Variants in SLC4A5 observed in about 807,000 individuals in gnomAD.
The protein encoded by SLC4A5 is electrogenic sodium bicarbonate cotransporter 4.
SLC4A5 carries 96 observed loss-of-function variants against 120.4 expected under a neutral mutation model. The observed-to-expected ratio is 0.80, with a 90% CI of 0.68 to 0.94. SLC4A5 has a LOEUF of 0.94. Among genes scored for constraint, SLC4A5 ranks in the 40% least tolerant of loss-of-function variants. SLC4A5 has a pLI of 0.00. For missense variants in SLC4A5, 1,259 were observed against 1,459.5 expected (o/e 0.86, Z 2.24); for synonymous variants, 550 against 571.1 (o/e 0.96, Z 0.53).
chr2:74,237,197 C>T (rs1427131891), intron 21 of SLC4A5, among the ~76,000 whole-genome samples: 1 of 152,056 alleles, frequency 6.6e-6, no homozygotes, highest in African/African-American at 2.4e-5. Flanking sequence ...AGGATGGTCT[C>T]GATCTCCTGC....
chr2:74,257,342 C>T (rs1341597064), intron 12 of SLC4A5, among the ~76,000 whole-genome samples: 4 of 152,224 alleles, frequency 2.6e-5, no homozygotes, highest in African/African-American at 7.2e-5. Context: ...ACAGGAACAC[C>T]GGAGTCCCCA....
At chr2:74,264,375 G>T in intron 9 of SLC4A5, 76 bp from the exon 10 acceptor site, 1 of 1,488,814 alleles carries the variant, frequency 6.7e-7, no homozygotes, top group Non-Finnish European at 9.1e-7. Flanking sequence ...AGTTTCACCT[G>T]TTATTAGTGG....
intron 6 of SLC4A5, among the ~76,000 whole-genome samples, chr2:74,306,577 T>C (rs1672651077): frequency 6.6e-6 from 1 of 152,230 alleles, no homozygotes; most frequent in Non-Finnish European, 1.5e-5. Context: ...ATGAAGCCTT[T>C]TCATATTGGC....
At chr2:74,227,234 G>T in intron 26 of SLC4A5, 104 bp from the exon 27 acceptor site, 1 of 1,325,140 alleles carries the variant, frequency 7.5e-7, no homozygotes. Context: ...GAGAGGGGAA[G>T]CCCCCTGCTC....
At chr2:74,219,221 T>TG (rs1558861679) in intron 30 of SLC4A5, among the ~76,000 whole-genome samples, 1,539 of 90,140 alleles carry the variant, frequency 0.017, 16 homozygotes, top group Non-Finnish European at 0.02. Flanking sequence ...GTGTGTGTGT[T>TG]TGTGTGTGTT....
intron 20 of SLC4A5, among the ~76,000 whole-genome samples, chr2:74,240,425 T>A (rs1670401572): frequency 6.6e-6 from 1 of 152,218 alleles, no homozygotes; most frequent in South Asian, 2.1e-4. Flanking sequence ...ACAAATATAT[T>A]AAAAACAAAT....
At chr2:74,263,538 T>C (rs1391527507) in intron 10 of SLC4A5, among the ~76,000 whole-genome samples, 1 of 152,162 alleles carries the variant, frequency 6.6e-6, no homozygotes, top group African/African-American at 2.4e-5. Context: ...ATGTTGGAGA[T>C]TTGAGATGTG....
intron 7 of SLC4A5, among the ~76,000 whole-genome samples, chr2:74,288,837 A>G (rs986458237): frequency 6.6e-6 from 1 of 152,144 alleles, no homozygotes; most frequent in Non-Finnish European, 1.5e-5. Flanking sequence ...CCCTTCTCCC[A>G]TCAACCCAGC....
At chr2:74,316,321 T>TA (rs60481743) in intron 5 of SLC4A5, among the ~76,000 whole-genome samples, 1,629 of 51,152 alleles carry the variant, frequency 0.032, 71 homozygotes, top group Admixed American at 0.099. Flanking sequence ...AAAAGAGTTG[T>TA]AAAAAAAAAA....
intron 8 of SLC4A5, among the ~76,000 whole-genome samples, chr2:74,279,072 G>T (rs964962107): frequency 6.6e-6 from 1 of 152,166 alleles, no homozygotes; most frequent in Non-Finnish European, 1.5e-5. Context: ...CCCTTTAAAT[G>T]ACTCTCTTTT....
At chr2:74,280,851 AT>A (rs1381551221) in intron 8 of SLC4A5, among the ~76,000 whole-genome samples, 3 of 151,992 alleles carry the variant, frequency 2.0e-5, no homozygotes, top group South Asian at 4.2e-4. Context: ...TGCCTGGTTA[AT>A]TTTTTTGTAT....
chr2:74,229,116 T>TTTTTTTTTTTTTTTTTTTTTG (rs1553451209), intron 25 of SLC4A5, among the ~76,000 whole-genome samples: 3 of 136,466 alleles, frequency 2.2e-5, no homozygotes, highest in East Asian at 2.5e-4. Context: ...TTTTTTTTTT[T>TTTTTTTTTTTTTTTTTTTTTG]CTTGAGACAG....
chr2:74,328,375 C>T (rs1439311528), intron 4 of SLC4A5, 189 bp from the exon 5 acceptor site: 1 of 157,200 alleles, frequency 6.4e-6, no homozygotes, highest in African/African-American at 2.4e-5. Context: ...CTGAATAGAG[C>T]TGGCCATGAT....
At chr2:74,330,567 T>A (rs116223808) in intron 4 of SLC4A5, among the ~76,000 whole-genome samples, 3,670 of 149,148 alleles carry the variant, frequency 0.025, 148 homozygotes, top group African/African-American at 0.087. Context: ...TGGTGAGGTA[T>A]AGGTGAGGTT....
chr2:74,287,339 G>A (rs1174206407), intron 7 of SLC4A5, among the ~76,000 whole-genome samples: 2 of 152,250 alleles, frequency 1.3e-5, no homozygotes, highest in South Asian at 2.1e-4. Flanking sequence ...ATGGCAGCAC[G>A]GAGTGGTAGT....
Position 74,304,682 on chromosome 2 carries a change from T to C in SLC4A5, c.80-2A>G. 1 of 1,610,332 alleles carries C rather than the reference T, an allele frequency of 6.2e-7. No individual in the cohort carries two copies. On this transcript the variant is annotated splice_acceptor_variant, in intron 6 of 30. Coordinates refer to ENST00000394019, the Ensembl canonical transcript of SLC4A5. LOFTEE classifies it high-confidence loss of function. ...GCCCAATGTGGATAGGAGGGCATTCTGTGGACACGGCACAAAAGACAGGGG... is the reference window on the plus strand; with the variant it reads ...GCCCAATGTGGATAGGAGGGCATTCCGTGGACACGGCACAAAAGACAGGGG...
intron 8 of SLC4A5, among the ~76,000 whole-genome samples, chr2:74,284,899 C>T (rs1299310283): frequency 6.6e-6 from 1 of 152,168 alleles, no homozygotes; most frequent in Non-Finnish European, 1.5e-5. Flanking sequence ...TGCCAGATAG[C>T]CCTCTCCATC....
chr2:74,234,916 A>G (rs965577525), intron 22 of SLC4A5, among the ~76,000 whole-genome samples, 185 bp downstream of exon 22: 1 of 151,940 alleles, frequency 6.6e-6, no homozygotes, highest in Admixed American at 6.6e-5. Flanking sequence ...TGAATATGTT[A>G]CCCCTCCCCG....
chr2:74,285,160 A>G (rs111553226), intron 8 of SLC4A5, among the ~76,000 whole-genome samples: 2,063 of 152,296 alleles, frequency 0.014, 28 homozygotes, highest in African/African-American at 0.026. Context: ...CGGGAGGATC[A>G]CTTGAGCCCA....
Sources: gnomAD v4.1 joint callset for allele counts (sites outside exome capture counted in the v4.1 genomes callset) on GRCh38, gnomAD v4.1.1 for gene constraint, MANE v1.5 for transcripts, NCBI Gene and HGNC (gene_info 2026-07-23, HGNC 2026-07-21) for gene names.